ZC3H7B: variants seen among roughly 807,000 people sequenced by gnomAD.
ZC3H7B encodes the protein zinc finger CCCH domain-containing protein 7B.
In ZC3H7B, 35 loss-of-function variants were observed where a neutral mutation model predicts 116.0. The ratio of observed to expected loss-of-function variants is 0.30; its 90% CI spans 0.23 to 0.40. The LOEUF (loss-of-function observed/expected upper bound fraction) is 0.40, where lower values mean the gene tolerates loss of function less well. ZC3H7B is among the 10% of genes least tolerant of loss of function. ZC3H7B has a pLI of 1.00. For synonymous variants in ZC3H7B, 502 were observed against 545.6 expected, an observed-to-expected ratio of 0.92 and a Z score of 1.11; for missense variants, 1,011 against 1,321.5, an observed-to-expected ratio of 0.77 and a Z score of 3.64.
At chr22:41,306,954 C>T (rs1396840771) in intron 1 of ZC3H7B, among the ~76,000 whole-genome samples, 1 of 150,924 alleles carries the variant, frequency 6.6e-6, no homozygotes, top group African/African-American at 2.4e-5. Context: ...CAGGAGCCTC[C>T]ACAGAGGTCA....
rs745477040 is a variant in ZC3H7B, at chr22:41,339,895, C to A, written c.896C>A (p.Thr299Asn). The A allele has an allele frequency of 6.2e-7, 1 of 1,613,706 alleles. No homozygotes were observed. Among genetic ancestry groups the A allele is most frequent in the Non-Finnish European group, 8.5e-7 (1 of 1,179,990 alleles). ...CTGATACCCGTGTTCCCCGGCGGGA[C>A]CCCACTGCTACCACCTGTGGTGGGT... is the stretch of plus-strand genomic sequence containing the variant. ...PQLIPVFPGG[T>N]PLLPPVVGGS... Residue 299 changes from threonine to asparagine, a missense_variant, in exon 10 of 23, where the codon ACC becomes AAC. Coordinates refer to ENST00000352645, the MANE Select transcript of ZC3H7B (RefSeq NM_017590.6).
In ZC3H7B at chr22:41,338,793, G is replaced by T. The variant is rs1601784557; in HGVS notation, c.626-208G>T. Among the ~76,000 whole-genome samples the T allele has an allele frequency of 6.6e-6, 1 of 152,318 alleles. No individual in the cohort carries two copies. The highest frequency in any genetic ancestry group is 1.9e-4 in the East Asian group (1 of 5,178). On this transcript the variant is annotated intron_variant, in intron 8 of 22. Coordinates refer to ENST00000352645, the MANE Select transcript of ZC3H7B (RefSeq NM_017590.6). This position sits in a 1 kb window ranked among gnomAD's most constrained non-coding sequence, Gnocchi z 4.5. ...GGCCAAGGATTGACATCATAGGACT[G>T]AGGGCCCCTCCCTGCTCTGGGGCTG...
At chr22:41,318,812 C>T (rs533475000) in intron 1 of ZC3H7B, among the ~76,000 whole-genome samples, 1 of 152,118 alleles carries the variant, frequency 6.6e-6, no homozygotes, top group Non-Finnish European at 1.5e-5. Flanking sequence ...CCCCACTGCC[C>T]ACTCTGCTCC....
chr22:41,305,313 A>T (rs2036026215), intron 1 of ZC3H7B, among the ~76,000 whole-genome samples: 1 of 150,994 alleles, frequency 6.6e-6, no homozygotes, highest in South Asian at 2.1e-4. Context: ...ACTGCACTCC[A>T]GCCTGGGCGA....
At position 41,302,247 on chromosome 22, in the gene ZC3H7B, AC is replaced by A. The variant is rs1325878201; in HGVS notation, c.-7+478del. On this transcript the variant is annotated intron_variant, in intron 1 of 22. Coordinates refer to ENST00000352645, the MANE Select transcript of ZC3H7B (RefSeq NM_017590.6). The surrounding 1 kb of genome is among the most constrained non-coding windows in gnomAD (Gnocchi z 5.7). ...TTTGTGTTGTCCTTGGCCCCGCAGC[AC>A]CCGGAGTTGGAGGGGCCGCGGCGAG... is the stretch of plus-strand genomic sequence containing the variant. 2.0e-5 allele frequency among the ~76,000 whole-genome samples: 3 copies of A among 150,410 alleles called. No homozygotes were observed. The highest frequency in any genetic ancestry group is 7.4e-5 in the African/African-American group (3 of 40,790).
intron 9 of ZC3H7B, 112 bp downstream of exon 9, chr22:41,339,303 AG>A: frequency 1.6e-6 from 2 of 1,283,464 alleles, no homozygotes; most frequent in Non-Finnish European, 2.1e-6. Flanking sequence ...TCTCAGGAGG[AG>A]GCCTCAGTAG....
chr22:41,331,149 G>A (rs1430593540), intron 6 of ZC3H7B, among the ~76,000 whole-genome samples: 4 of 145,356 alleles, frequency 2.8e-5, no homozygotes, highest in South Asian at 2.4e-4. Flanking sequence ...GAGCCACCGC[G>A]CCCAGCTGAG....
rs149090328 is a variant in ZC3H7B at position 41,311,113 on chromosome 22, T to C, written c.-7+9341T>C. The stretch of plus-strand genomic sequence containing the variant: ...TAGCCTGCATTCATTCGCGTGTATA[T>C]GTGCATGTGTGCACATCGGTTTTGA... On this transcript the variant is annotated intron_variant, in intron 1 of 22. Transcript: ENST00000352645. Among the ~76,000 whole-genome samples, 187 of 151,160 alleles carry C rather than the reference T, an allele frequency of 1.2e-3. 1 individual carries two copies. The highest frequency in any genetic ancestry group is 6.8e-3 in the Middle Eastern group (2 of 294).
In ZC3H7B at chr22:41,325,802, G is replaced by C. The variant is rs765690894; in HGVS notation, c.169G>C (p.Val57Leu). 1 of 1,613,854 alleles carries C rather than the reference G, an allele frequency of 6.2e-7. No individual in the cohort carries two copies. The highest frequency in any genetic ancestry group is 8.5e-7 in the Non-Finnish European group (1 of 1,179,982). ...FREKDYKQAL[V>L]QYMEGLNVAD... ...GGAGAAGGACTATAAGCAGGCTCTGGTGCAGTACATGGAAGGGCTGAACGT... is the reference window on the plus strand; with the variant it reads ...GGAGAAGGACTATAAGCAGGCTCTGCTGCAGTACATGGAAGGGCTGAACGT... The change falls in exon 4 of 23, where the codon GTG becomes CTG. Residue 57 changes from valine to leucine, a missense_variant. By Grantham distance (32) the Val-to-Leu change is conservative (BLOSUM62 1). Around this residue, in one of 5 missense-constraint regions of ZC3H7B, gnomAD observed 322 missense variants for 443.9 expected, o/e 0.73. Coordinates refer to ENST00000352645, the MANE Select transcript of ZC3H7B (RefSeq NM_017590.6).
In ZC3H7B at chr22:41,323,942, C is replaced by T. The variant is rs545855457; in HGVS notation, c.54-1622C>T. Among the ~76,000 whole-genome samples, 4 of 152,068 alleles carry T rather than the reference C, an allele frequency of 2.6e-5. No individual in the cohort carries two copies. The South Asian group carries it at 6.2e-4, about 24-fold the overall frequency. ...AAAATTAGCCAGGCGTGGTGGCGGG[C>T]GCTTGTAGTCCCAGCTACTCTGGAG... On this transcript the variant is annotated intron_variant, in intron 2 of 22. Coordinates refer to ENST00000352645, the MANE Select transcript of ZC3H7B (RefSeq NM_017590.6).
In ZC3H7B at chr22:41,332,192, C is replaced by T. The variant is rs774333614; in HGVS notation, c.547C>T (p.Leu183Phe). The T allele has an allele frequency of 5.6e-6, 9 of 1,614,110 alleles. No individual in the cohort carries two copies. Among genetic ancestry groups the T allele is most frequent in the Non-Finnish European group, 7.6e-6 (9 of 1,180,042 alleles). Reference protein sequence around the residue: ...RPQELETFSLLSNGTAAGVAD... With the variant: ...RPQELETFSLFSNGTAAGVAD... ...GCAGGAATTGGAAACCTTTTCTCTG[C>T]TCAGTAACGGCACTGCGGCTGGCGT... The change falls in exon 7 of 23, where the codon CTC becomes TTC. Residue 183 changes from leucine (L) to phenylalanine (F), a missense_variant. Around this residue, in one of 5 missense-constraint regions of ZC3H7B, gnomAD observed 322 missense variants for 443.9 expected, o/e 0.73. Coordinates refer to ENST00000352645, the MANE Select transcript of ZC3H7B (RefSeq NM_017590.6).
intron 10 of ZC3H7B, 46 bp from the exon 11 acceptor site, chr22:41,341,042 G>T (rs770513355): frequency 1.9e-6 from 3 of 1,593,048 alleles, no homozygotes; most frequent in Non-Finnish European, 2.6e-6. Context: ...GGCCCCTCAC[G>T]CCTCAGAGCC....
intron 6 of ZC3H7B, among the ~76,000 whole-genome samples, 171 bp from the exon 7 acceptor site, chr22:41,332,000 A>T (rs1028737766): frequency 4.6e-5 from 7 of 151,808 alleles, no homozygotes; most frequent in African/African-American, 1.7e-4. Flanking sequence ...CCAGAATCTG[A>T]CCCAGAGAGA....
chr22:41,348,593 C>A (rs2036618302), intron 15 of ZC3H7B, among the ~76,000 whole-genome samples: 1 of 152,214 alleles, frequency 6.6e-6, no homozygotes, highest in Non-Finnish European at 1.5e-5. Context: ...TCTGGCACCA[C>A]CCCTTTCTCC....
intron 1 of ZC3H7B, among the ~76,000 whole-genome samples, chr22:41,303,467 C>T (rs1374576348): frequency 6.6e-6 from 1 of 152,152 alleles, no homozygotes; most frequent in Non-Finnish European, 1.5e-5. Flanking sequence ...TCGGTTGAGA[C>T]ATGGATAGAG....
chr22:41,353,292 C>A (rs1485372886), intron 17 of ZC3H7B, among the ~76,000 whole-genome samples: 1 of 152,200 alleles, frequency 6.6e-6, no homozygotes, highest in Non-Finnish European at 1.5e-5. Context: ...CAGGGGCACA[C>A]TGAGTGGGGC....
At position 41,350,024 on chromosome 22, in the gene ZC3H7B, G is replaced by A. The variant is rs542196810; in HGVS notation, c.1948+723G>A. Among the ~76,000 whole-genome samples the A allele has an allele frequency of 5.3e-4, 80 of 152,300 alleles. 1 individual carries two copies. Among genetic ancestry groups the A allele is most frequent in the Non-Finnish European group, 8.7e-4 (59 of 68,032 alleles). ...GAAATGCAGTGGTAGCATTTCAGGC[G>A]TGCCTCAGTGTTATGAGGAAGATAA... On this transcript the variant is annotated intron_variant, in intron 16 of 22. Coordinates refer to ENST00000352645, the MANE Select transcript of ZC3H7B (RefSeq NM_017590.6).
intron 15 of ZC3H7B, among the ~76,000 whole-genome samples, chr22:41,348,498 C>T (rs1555959927): frequency 6.6e-6 from 1 of 152,156 alleles, no homozygotes; most frequent in Non-Finnish European, 1.5e-5. Flanking sequence ...AGACAGCAAG[C>T]GGGGGGCCTC....
In ZC3H7B at chr22:41,302,017, A is replaced by G. The variant is rs1195869556; in HGVS notation, c.-7+245A>G. On this transcript the variant is annotated intron_variant, in intron 1 of 22. Coordinates refer to ENST00000352645, the MANE Select transcript of ZC3H7B (RefSeq NM_017590.6). This position sits in a 1 kb window ranked among gnomAD's most constrained non-coding sequence, Gnocchi z 5.7. ...GATCCCGGTCCCCGTGCCCTGCCCC[A>G]AAGTTTAAAAGTTACCGTGTGGCCG... Among the ~76,000 whole-genome samples, 1 of 152,076 alleles carries G rather than the reference A, an allele frequency of 6.6e-6. No homozygotes were observed. The highest frequency in any genetic ancestry group is 1.5e-5 in the Non-Finnish European group (1 of 67,972).
Sources: gnomAD v4.1 joint callset for allele counts (sites outside exome capture counted in the v4.1 genomes callset) on GRCh38, gnomAD v4.1.1 for gene constraint, gnomAD v4.1.1 regional missense constraint, Gnocchi (gnomAD v3.1) non-coding constraint, MANE v1.5 for transcripts, NCBI Gene and HGNC (gene_info 2026-07-23, HGNC 2026-07-21) for gene names.